The following KIF1C variants were observed in gnomAD, a reference collection of about 807,000 sequenced individuals.
The protein encoded by KIF1C is kinesin-like protein KIF1C.
A neutral mutation model predicts 126.5 loss-of-function variants in KIF1C; 61 were observed. The ratio of observed to expected loss-of-function variants is 0.48; its 90% CI spans 0.39 to 0.60. KIF1C has a LOEUF of 0.60. Among genes scored for constraint, KIF1C ranks in the 20% least tolerant of loss-of-function variants. The pLI, the probability that KIF1C is intolerant of heterozygous loss-of-function variation, is 0.00. For missense variants in KIF1C, 1,315 were observed against 1,489.2 expected, an observed-to-expected ratio of 0.88 and a Z score of 1.93; for synonymous variants, 640 against 580.6, an observed-to-expected ratio of 1.10 and a Z score of -1.47.
intron 1 of KIF1C, among the ~76,000 whole-genome samples, chr17:4,998,476 C>T (rs1012450749): frequency 6.6e-6 from 1 of 152,180 alleles, no homozygotes; most frequent in African/African-American, 2.4e-5. Flanking sequence ...CCTTGTACCC[C>T]ACGGCTCCTT....
intron 6 of KIF1C, 86 bp downstream of exon 6, chr17:5,002,210 C>G: frequency 1.6e-6 from 2 of 1,274,426 alleles, no homozygotes; most frequent in South Asian, 2.4e-5. Flanking sequence ...GGATCTAATC[C>G]TGGCTCTGCT....
chr17:5,021,094 C>T (rs1273569335), intron 21 of KIF1C, among the ~76,000 whole-genome samples: 1 of 151,660 alleles, frequency 6.6e-6, no homozygotes. Context: ...CCTTCCCATA[C>T]TCCAGTTTCT....
chr17:5,023,471 C>T lies in KIF1C; in HGVS notation c.2632C>T (p.His878Tyr). ...MERVIPLAQD[H>Y]EDENEEGGEV... Reference sequence around the variant, plus strand: ...TTTTCTCACTCCTCCCTCCCAGGATCATGAGGATGAGAATGAAGAAGGTGG... The same window carrying T: ...TTTTCTCACTCCTCCCTCCCAGGATTATGAGGATGAGAATGAAGAAGGTGG... The change falls in exon 23 of 23, where the codon CAT becomes TAT. Residue 878 changes from histidine to tyrosine, a missense_variant. Transcript: ENST00000320785. The surrounding 1 kb of genome is among the most constrained non-coding windows in gnomAD (Gnocchi z 4.2). 9 of 1,613,402 alleles carry T rather than the reference C, an allele frequency of 5.6e-6. No individual in the cohort carries two copies. Among genetic ancestry groups the T allele is most frequent in the Non-Finnish European group, 6.8e-6 (8 of 1,179,424 alleles).
chr17:5,015,861 A>G lies in KIF1C; in HGVS notation c.1666+1024A>G, dbSNP rs552642639. ...TCCGCCCACCTTGGCCTCCCAAAGC[A>G]CTGGGATTACAGGCGTGAGCCACTG... On this transcript the variant is annotated intron_variant, in intron 18 of 22. Transcript: ENST00000320785. Among the ~76,000 whole-genome samples the G allele has an allele frequency of 2.7e-3, 405 of 148,588 alleles. 2 individuals carry two copies. Among genetic ancestry groups the G allele is most frequent in the Non-Finnish European group, 4.9e-3 (330 of 67,054 alleles).
chr17:5,018,257 A>G (rs978431546), intron 18 of KIF1C, among the ~76,000 whole-genome samples: 1 of 152,178 alleles, frequency 6.6e-6, no homozygotes, highest in African/African-American at 2.4e-5. Flanking sequence ...CTGGGATTAC[A>G]GGCGTGAGCC....
chr17:5,016,733 G>A (rs1441598030), intron 18 of KIF1C, among the ~76,000 whole-genome samples: 3 of 151,180 alleles, frequency 2.0e-5, no homozygotes, highest in East Asian at 2.0e-4. Context: ...GTGGAACCCC[G>A]TCTCTACTAA....
chr17:5,017,681 G>A (rs534314132), intron 18 of KIF1C, among the ~76,000 whole-genome samples: 1 of 152,242 alleles, frequency 6.6e-6, no homozygotes, highest in South Asian at 2.1e-4. Flanking sequence ...AGACAGGTAT[G>A]GATGTAGAAG....
rs2143393964 is a variant in KIF1C at position 5,023,847 on chromosome 17, T to C, written c.3008T>C (p.Leu1003Pro). Residue 1003 changes from leucine to proline, a missense_variant, in exon 23 of 23, where the codon CTC (leucine) becomes CCC (proline). Around this residue, in one of 2 missense-constraint regions of KIF1C, gnomAD observed 441 missense variants for 436.1 expected, o/e 1.01. Coordinates refer to ENST00000320785, the MANE Select transcript of KIF1C (RefSeq NM_006612.6). The surrounding 1 kb of genome is among the most constrained non-coding windows in gnomAD (Gnocchi z 4.2). ...GMGSGEAPTP[L>P]QPPEEVTPHP... is the part of the protein sequence containing the mutation. Reference sequence around the variant, plus strand: ...GGGAGCGGGGAGGCTCCAACTCCGCTCCAACCCCCTGAGGAGGTCACTCCC... The same window carrying C: ...GGGAGCGGGGAGGCTCCAACTCCGCCCCAACCCCCTGAGGAGGTCACTCCC... 1 of 1,519,524 alleles carries C rather than the reference T, an allele frequency of 6.6e-7. No homozygotes were observed. The highest frequency in any genetic ancestry group is 8.8e-7 in the Non-Finnish European group (1 of 1,134,540). The allele number at this position is 1,519,524 out of a possible 1,614,324, so 94.1% of individuals were successfully genotyped here. A position where few individuals can be genotyped will look rare whatever the true frequency, so the allele number is the denominator to read the frequency against.
chr17:5,003,687 A>C lies in KIF1C; in HGVS notation c.796A>C (p.Lys266Gln), dbSNP rs1974659626. 1 of 1,613,092 alleles carries C rather than the reference A, an allele frequency of 6.2e-7. No individual in the cohort carries two copies. Among genetic ancestry groups the C allele is most frequent in the Non-Finnish European group, 8.5e-7 (1 of 1,179,466 alleles). Residue 266 changes from lysine (K) to glutamine (Q), a missense_variant and splice_region_variant, in exon 9 of 23, where the codon AAG (lysine) becomes CAG (glutamine). By Grantham distance (53) the Lys-to-Gln change is moderately conservative (BLOSUM62 1). Transcript: ENST00000320785. Reference protein sequence around the residue: ...DSSGARGMRLKEGANINKSLT... With the variant: ...DSSGARGMRLQEGANINKSLT... ...CTCAGGGGCCCGGGGCATGCGCCTG[A>C]AGGTGAGGGGCCTTCAGAGGGTGGT...
chr17:4,999,337 G>A (rs559954049), intron 1 of KIF1C, among the ~76,000 whole-genome samples: 1 of 152,316 alleles, frequency 6.6e-6, no homozygotes, highest in South Asian at 2.1e-4. Flanking sequence ...GACAGGTTTT[G>A]CATTTGCAGT....
In KIF1C at chr17:5,006,841, C is replaced by T. The variant is rs73973685; in HGVS notation, c.1166-74C>T. ...TTACAGACTGGTCCTCTGTGAAGCT[C>T]TTGGTCTCCTGGATGTCTCTCATCA... On this transcript the variant is annotated intron_variant, in intron 13 of 22. Coordinates refer to ENST00000320785, the MANE Select transcript of KIF1C (RefSeq NM_006612.6). The T allele has an allele frequency of 1.6e-3, 2,380 of 1,485,832 alleles. 27 individuals are homozygous for T. The African/African-American group carries it at 0.027, about 17-fold the overall frequency. 92.0% of individuals were successfully genotyped at this position (1,485,832 alleles called of 1,614,324 possible).
chr17:4,998,906 C>T (rs1430951957), intron 1 of KIF1C: 2 of 152,426 alleles, frequency 1.3e-5, no homozygotes, highest in East Asian at 3.8e-4. Context: ...CACCCACATT[C>T]CTGGGCTCCA....
At chr17:5,000,154 G>A (rs745934801) in intron 2 of KIF1C, 66 bp from the exon 3 acceptor site, 6 of 860,454 alleles carry the variant, frequency 7.0e-6, no homozygotes, top group Non-Finnish European at 1.1e-5. Context: ...CCGGGAAGAA[G>A]CTGGGAGGCA....
At chr17:5,014,057 G>C in intron 17 of KIF1C, 1 of 325,672 alleles carries the variant, frequency 3.1e-6, no homozygotes, top group Non-Finnish European at 5.6e-6. Flanking sequence ...CCTGGGGGCG[G>C]GAGAAGGGAA....
intron 6 of KIF1C, 29 bp downstream of exon 6, chr17:5,002,153 A>G (rs750352116): frequency 2.5e-6 from 4 of 1,598,656 alleles, no homozygotes; most frequent in African/African-American, 1.3e-5. Context: ...GGCAGGGCTG[A>G]GAGGGGTCCA....
chr17:5,024,149 T>A lies in KIF1C; in HGVS notation c.3310T>A (p.Ter1104ArgextTer55). 6.2e-7 allele frequency: 1 copy of A among 1,604,756 alleles called. No individual in the cohort carries two copies. Among genetic ancestry groups the A allele is most frequent in the Non-Finnish European group, 8.5e-7 (1 of 1,175,526 alleles). ...CCTCAAGGAGAGTGGGGCAGCTGTGTGAGTCCCACATCCTGGGCAGAGGGC... is the reference window on the plus strand; with the variant it reads ...CCTCAAGGAGAGTGGGGCAGCTGTGAGAGTCCCACATCCTGGGCAGAGGGC... Reference protein sequence around the residue: ...PDLKESGAAV* With the variant: ...PDLKESGAAVR Residue 1104 changes from the stop codon to arginine (R), a stop_lost, in exon 23 of 23, where the codon TGA (stop) becomes AGA (arginine). Coordinates refer to ENST00000320785, the MANE Select transcript of KIF1C (RefSeq NM_006612.6).
rs2143387036 is a variant in KIF1C, at chr17:5,022,169, G to C, written c.2088G>C (p.Arg696=). The change falls in exon 22 of 23, where the codon CGG becomes CGC. Residue 696 remains arginine, a synonymous_variant. Coordinates refer to ENST00000320785, the MANE Select transcript of KIF1C (RefSeq NM_006612.6). The surrounding 1 kb of genome is among the most constrained non-coding windows in gnomAD (Gnocchi z 4.9). The stretch of plus-strand genomic sequence containing the variant: ...GCTGGAGGCTCATCTCCTCCTTGCG[G>C]GAGCAGCTGCCGCCCACCACGGTCC... ...EESWRLISSL[R]EQLPPTTVQT... 1 of 1,614,032 alleles carries C rather than the reference G, an allele frequency of 6.2e-7. No homozygotes were observed. Among genetic ancestry groups the C allele is most frequent in the Non-Finnish European group, 8.5e-7 (1 of 1,179,944 alleles).
At chr17:5,002,421 T>C (rs1974618520) in intron 6 of KIF1C, 43 bp from the exon 7 acceptor site, 1 of 1,532,244 alleles carries the variant, frequency 6.5e-7, no homozygotes, top group Non-Finnish European at 8.9e-7. Flanking sequence ...GTTGTCATTG[T>C]TTTTGCTAGT....
At position 5,002,494 on chromosome 17, in the gene KIF1C, G is replaced by A; in HGVS notation, c.460G>A (p.Val154Ile). The change falls in exon 7 of 23, where the codon GTA (valine) becomes ATA (isoleucine). Residue 154 changes from valine to isoleucine, a missense_variant. By Grantham distance (29) the Val-to-Ile change is conservative. Coordinates refer to ENST00000320785, the MANE Select transcript of KIF1C (RefSeq NM_006612.6). ...VSYMEIYCER[V>I]RDLLNPKSRG... ...CTATATGGAGATCTACTGTGAGCGGGTACGAGACCTCTTGAACCCCAAGAG... is the reference window on the plus strand; with the variant it reads ...CTATATGGAGATCTACTGTGAGCGGATACGAGACCTCTTGAACCCCAAGAG... The A allele has an allele frequency of 6.2e-7, 1 of 1,610,788 alleles. No individual in the cohort carries two copies. The highest frequency in any genetic ancestry group is 1.3e-5 in the African/African-American group (1 of 74,986).
Sources: allele counts gnomAD v4.1 joint callset (sites outside exome capture counted in the v4.1 genomes callset), GRCh38; gene constraint gnomAD v4.1.1; regional missense constraint gnomAD v4.1.1; non-coding constraint Gnocchi (gnomAD v3.1); transcripts MANE v1.5; gene names NCBI Gene and HGNC (gene_info 2026-07-23, HGNC 2026-07-21).